The following SLC9A9 variants were observed in gnomAD, a reference collection of about 807,000 sequenced individuals.
The protein encoded by SLC9A9 is sodium/hydrogen exchanger 9.
In SLC9A9, 62 loss-of-function variants were observed where a neutral mutation model predicts 77.8. The ratio of observed to expected loss-of-function variants is 0.80; its 90% confidence interval spans 0.65 to 0.98. SLC9A9 has a LOEUF of 0.98. Ranked by LOEUF, SLC9A9 falls within the 50% of genes least tolerant of loss-of-function variation. SLC9A9 has a pLI of 0.00. For synonymous variants in SLC9A9, 320 were observed against 283.5 expected, an observed-to-expected ratio of 1.13 and a Z score of -1.29; for missense variants, 775 against 774.9, an observed-to-expected ratio of 1.00 and a Z score of 0.00.
At chr3:143,682,177 A>T (rs1298825385) in intron 5 of SLC9A9, among the ~76,000 whole-genome samples, 1 of 152,196 alleles carries the variant, frequency 6.6e-6, no homozygotes, top group African/African-American at 2.4e-5. Flanking sequence ...TAGGAAAATC[A>T]GATAAATTAC....
At chr3:143,311,325 A>C (rs2031011521) in intron 14 of SLC9A9, among the ~76,000 whole-genome samples, 1 of 152,260 alleles carries the variant, frequency 6.6e-6, no homozygotes, top group Non-Finnish European at 1.5e-5. Flanking sequence ...ATGTGTCCCA[A>C]ACATCTGTTT....
At chr3:143,621,610 T>C (rs2108713344) in intron 6 of SLC9A9, among the ~76,000 whole-genome samples, 1 of 152,072 alleles carries the variant, frequency 6.6e-6, no homozygotes, top group East Asian at 1.9e-4. Flanking sequence ...CAAAAACCCA[T>C]CTGTATGTCA....
At chr3:143,491,181 A>G (rs2035738715) in intron 11 of SLC9A9, among the ~76,000 whole-genome samples, 1 of 152,186 alleles carries the variant, frequency 6.6e-6, no homozygotes, top group African/African-American at 2.4e-5. Flanking sequence ...CATCAGAGTC[A>G]TATGTAGGTA....
intron 5 of SLC9A9, among the ~76,000 whole-genome samples, chr3:143,673,555 G>A (rs1321019643): frequency 2.2e-5 from 3 of 139,110 alleles, no homozygotes; most frequent in Admixed American, 7.1e-5. Context: ...TATGGTTGGG[G>A]TAGGATGGAG....
intron 14 of SLC9A9, among the ~76,000 whole-genome samples, chr3:143,282,464 C>T (rs1443485994): frequency 4.6e-5 from 7 of 152,184 alleles, no homozygotes; most frequent in Admixed American, 4.6e-4. Context: ...GCATAGATTG[C>T]TACTTACCTA....
chr3:143,534,862 AC>A (rs2036567840), intron 9 of SLC9A9, among the ~76,000 whole-genome samples: 1 of 151,792 alleles, frequency 6.6e-6, no homozygotes, highest in African/African-American at 2.4e-5. Context: ...TCATTGGGAA[AC>A]TATACACCTA....
chr3:143,574,020 G>T, intron 8 of SLC9A9, 68 bp downstream of exon 8: 1 of 1,363,840 alleles, frequency 7.3e-7, no homozygotes, highest in East Asian at 2.3e-5. Context: ...CTAGGTCAGG[G>T]AGGGGCACAC....
intron 12 of SLC9A9, among the ~76,000 whole-genome samples, chr3:143,410,253 C>G (rs944296464): frequency 2.0e-5 from 3 of 152,174 alleles, no homozygotes; most frequent in Non-Finnish European, 2.9e-5. Context: ...GAGATGCTAA[C>G]TGCAGCCCTG....
intron 13 of SLC9A9, among the ~76,000 whole-genome samples, chr3:143,371,071 A>G (rs2108490123): frequency 6.6e-6 from 1 of 152,238 alleles, no homozygotes; most frequent in East Asian, 1.9e-4. Flanking sequence ...CTGCACAGAG[A>G]GGACACCCAG....
intron 8 of SLC9A9, among the ~76,000 whole-genome samples, chr3:143,562,949 A>G (rs958554266): frequency 3.9e-5 from 6 of 152,086 alleles, no homozygotes; most frequent in African/African-American, 1.4e-4. Flanking sequence ...AAAAATAATG[A>G]TAAGAGCATC....
intron 11 of SLC9A9, among the ~76,000 whole-genome samples, chr3:143,478,919 A>G (rs13079196): frequency 0.12 from 17,887 of 152,280 alleles, 1,206 homozygotes; most frequent in South Asian, 0.21. Flanking sequence ...TAATTTGGTT[A>G]AAACTATCAG....
At chr3:143,331,011 C>T (rs143398019) in intron 14 of SLC9A9, among the ~76,000 whole-genome samples, 99 of 152,288 alleles carry the variant, frequency 6.5e-4, no homozygotes, top group Middle Eastern at 3.4e-3. Context: ...CATTATCATG[C>T]ATATAAAGAA....
intron 2 of SLC9A9, among the ~76,000 whole-genome samples, chr3:143,815,552 A>ATTTTTTT (rs776946492): frequency 5.6e-4 from 85 of 150,732 alleles, no homozygotes; most frequent in Non-Finnish European, 9.9e-4. Context: ...ATTTTAAAAA[A>ATTTTTTT]AAAAAAAGGT....
Position 143,578,625 on chromosome 3 carries a change from G to A in SLC9A9, c.854C>T (p.Ser285Leu), listed in dbSNP as rs756186090. 6.2e-7 allele frequency: 1 copy of A among 1,614,072 alleles called. No homozygotes were observed. The highest frequency in any genetic ancestry group is 8.5e-7 in the Non-Finnish European group (1 of 1,179,944). ...GGCATACGCAGACCCCATTGCAAAT[G>A]AGCCAGCGAAGATTCCCAGGAAATT... ...VGNFLGIFAG[S>L]FAMGSAYAII... is the part of the protein sequence containing the mutation. The change falls in exon 7 of 16, where the codon TCA (serine) becomes TTA (leucine). Residue 285 changes from serine (S) to leucine (L), a missense_variant. Ser to Leu is a moderately radical substitution (Grantham distance 145). Coordinates refer to ENST00000316549, the MANE Select transcript of SLC9A9 (RefSeq NM_173653.4).
chr3:143,586,477 G>A (rs1390399915), intron 6 of SLC9A9, among the ~76,000 whole-genome samples: 1 of 151,908 alleles, frequency 6.6e-6, no homozygotes, highest in African/African-American at 2.4e-5. Flanking sequence ...CTGTTTTTTT[G>A]GGCCTGGGTG....
At chr3:143,356,293 C>T (rs1258125822) in intron 14 of SLC9A9, among the ~76,000 whole-genome samples, 1 of 152,132 alleles carries the variant, frequency 6.6e-6, no homozygotes, top group Non-Finnish European at 1.5e-5. Flanking sequence ...AATCAGTTGC[C>T]ATCAGTAGGA....
chr3:143,392,432 C>A (rs1034151300), intron 12 of SLC9A9, among the ~76,000 whole-genome samples: 20 of 152,274 alleles, frequency 1.3e-4, no homozygotes, highest in African/African-American at 4.3e-4. Flanking sequence ...GCTTGCCCTA[C>A]AAGAGCTCCT....
intron 7 of SLC9A9, among the ~76,000 whole-genome samples, chr3:143,576,486 T>C (rs2108660819): frequency 6.6e-6 from 1 of 152,280 alleles, no homozygotes; most frequent in East Asian, 1.9e-4. Context: ...CAGGGTTGAT[T>C]CAAATGAGGA....
At chr3:143,542,321 G>T (rs903171181) in intron 9 of SLC9A9, among the ~76,000 whole-genome samples, 1 of 152,150 alleles carries the variant, frequency 6.6e-6, no homozygotes, top group Admixed American at 6.5e-5. Flanking sequence ...GAGAAGAAAA[G>T]TGGTAGAACT....
Sources: allele counts gnomAD v4.1 joint callset (sites outside exome capture counted in the v4.1 genomes callset), GRCh38; gene constraint gnomAD v4.1.1; transcripts MANE v1.5; gene names NCBI Gene and HGNC (gene_info 2026-07-23, HGNC 2026-07-21).